Variants in C1orf159 observed in about 807,000 individuals in gnomAD.
C1orf159 encodes chromosome 1 open reading frame 159, also known as uncharacterized protein C1orf159.
A neutral mutation model predicts 25.6 loss-of-function variants in C1orf159; 19 were observed. The ratio of observed to expected loss-of-function variants is 0.74; its 90% CI spans 0.52 to 1.09. The LOEUF is 1.09. Ranked by LOEUF, C1orf159 falls within the 50% of genes least tolerant of loss-of-function variation. The pLI, the probability that C1orf159 is intolerant of heterozygous loss-of-function variation, is 0.00. For synonymous variants in C1orf159, 139 were observed against 124.7 expected, an observed-to-expected ratio of 1.12 and a Z score of -0.77; for missense variants, 274 against 290.6, an observed-to-expected ratio of 0.94 and a Z score of 0.42.
At chr1:1,083,273 G>C (rs1645773997) in intron 9 of C1orf159, 1 of 407,850 alleles carries the variant, frequency 2.5e-6, no homozygotes, top group Non-Finnish European at 4.4e-6. Flanking sequence ...ACAGAGATGT[G>C]GGTCCCAGAG....
intron 1 of C1orf159, among the ~76,000 whole-genome samples, chr1:1,103,583 G>A (rs1646132608): frequency 6.6e-6 from 1 of 151,984 alleles, no homozygotes; most frequent in African/African-American, 2.4e-5. Flanking sequence ...AGGGGTCAGG[G>A]GTCTGCCAGA....
chr1:1,084,410 A>G (rs1256640714), intron 8 of C1orf159, 27 bp from the exon 9 acceptor site: 2 of 1,579,894 alleles, frequency 1.3e-6, no homozygotes, highest in Admixed American at 3.8e-5. Context: ...AGGCAGAGTG[A>G]GGACTCGGGA....
chr1:1,091,056 G>A, intron 3 of C1orf159: 3 of 1,276,322 alleles, frequency 2.4e-6, no homozygotes, highest in Non-Finnish European at 3.3e-6. Flanking sequence ...CCGCCAGGGA[G>A]GGGCCCAGGT....
At position 1,087,900 on chromosome 1, in the gene C1orf159, C is replaced by G. The variant is rs1207239155; in HGVS notation, c.149-303G>C. Among the ~76,000 whole-genome samples the G allele has an allele frequency of 6.7e-6, 1 of 149,902 alleles. No individual in the cohort carries two copies. The highest frequency in any genetic ancestry group is 2.0e-4 in the East Asian group (1 of 5,104). On this transcript the variant is annotated intron_variant, in intron 4 of 9. Coordinates refer to ENST00000421241, the MANE Select transcript of C1orf159 (RefSeq NM_017891.5). The surrounding 1 kb of genome is among the most constrained non-coding windows in gnomAD (Gnocchi z 8.3). ...AGTACTCCACGCTGCACTCTCCACG[C>G]CGAGCACCCCAGCCCCGAGTACTCC...
intron 9 of C1orf159, 161 bp downstream of exon 9, chr1:1,084,192 C>G (rs751245237): frequency 8.5e-6 from 13 of 1,524,228 alleles, no homozygotes; most frequent in Non-Finnish European, 1.1e-5. Flanking sequence ...CCAGCCAAAT[C>G]CGGCCCTGGC....
At chr1:1,098,578 G>T (rs1646043067) in intron 1 of C1orf159, among the ~76,000 whole-genome samples, 1 of 152,216 alleles carries the variant, frequency 6.6e-6, no homozygotes, top group African/African-American at 2.4e-5. Flanking sequence ...GTTGGTCTGT[G>T]TTGGAAAATG....
At chr1:1,101,674 T>C (rs1020640124) in intron 1 of C1orf159, among the ~76,000 whole-genome samples, 2 of 152,094 alleles carry the variant, frequency 1.3e-5, no homozygotes, top group Admixed American at 6.6e-5. Flanking sequence ...TCACGGTCTA[T>C]TGGCTCATGG....
intron 1 of C1orf159, among the ~76,000 whole-genome samples, chr1:1,093,795 T>C (rs914274292): frequency 3.3e-5 from 5 of 152,190 alleles, no homozygotes; most frequent in African/African-American, 1.2e-4. Flanking sequence ...TCTGTCTTCA[T>C]TTCTCTTGGG....
intron 3 of C1orf159, chr1:1,090,724 C>A: frequency 1.3e-6 from 1 of 782,946 alleles, no homozygotes; most frequent in South Asian, 1.5e-5. Flanking sequence ...GGCAGCGCCA[C>A]CGACATTCTC....
rs556586599 is a variant in C1orf159 at position 1,102,380 on chromosome 1, T to C, written c.-135-10277A>G. ...TATTTTCCTCCAATCACTTCCACCC[T>C]TTTTTTTTTTTCCAGCTTGGATGAT... On this transcript the variant is annotated intron_variant, in intron 1 of 9. Transcript: ENST00000421241. Among the ~76,000 whole-genome samples the C allele has an allele frequency of 2.4e-3, 340 of 142,492 alleles. 1 individual carries two copies. Among genetic ancestry groups the C allele is most frequent in the African/African-American group, 8.2e-3 (313 of 38,242 alleles). The allele number at this position is 142,492 out of a possible 152,430, so 93.5% of individuals were successfully genotyped here.
At chr1:1,094,221 C>T (rs1346071000) in intron 1 of C1orf159, among the ~76,000 whole-genome samples, 2 of 151,774 alleles carry the variant, frequency 1.3e-5, no homozygotes, top group African/African-American at 4.8e-5. Context: ...CATCAGCCTC[C>T]CGAGTAGCTG....
In C1orf159 at chr1:1,090,774, G is replaced by C. The variant is rs1645917593; in HGVS notation, c.73-346C>G. On this transcript the variant is annotated intron_variant, in intron 3 of 9. Coordinates refer to ENST00000421241, the MANE Select transcript of C1orf159 (RefSeq NM_017891.5). ...GGCTCTCCATCAGGGGTTTCCGCTTGACCCCACAGAGGAAGTGCCCGGGCC... is the reference window on the plus strand; with the variant it reads ...GGCTCTCCATCAGGGGTTTCCGCTTCACCCCACAGAGGAAGTGCCCGGGCC... 4.9e-6 allele frequency: 5 copies of C among 1,010,898 alleles called. No homozygotes were observed. In the Admixed American group the frequency reaches 6.0e-5, roughly 12 times the overall value. 62.6% of individuals were successfully genotyped at this position (1,010,898 alleles called of 1,614,324 possible).
chr1:1,105,158 T>G (rs1261015331), intron 1 of C1orf159, among the ~76,000 whole-genome samples: 5 of 152,252 alleles, frequency 3.3e-5, no homozygotes, highest in African/African-American at 1.2e-4. Flanking sequence ...GGTTTTCAAC[T>G]GCAACACTCA....
At chr1:1,091,319 C>T in intron 3 of C1orf159, 153 bp downstream of exon 3, 1 of 793,386 alleles carries the variant, frequency 1.3e-6, no homozygotes, top group Non-Finnish European at 2.1e-6. Context: ...GGCACAGGCC[C>T]CTCTGACCCC....
chr1:1,084,254 C>T, intron 9 of C1orf159, 99 bp downstream of exon 9: 1 of 1,519,136 alleles, frequency 6.6e-7, no homozygotes, highest in Non-Finnish European at 8.8e-7. Context: ...GGCCGAGATC[C>T]AGAGCCAGGC....
intron 2 of C1orf159, chr1:1,091,788 T>G (rs1415436074): frequency 3.1e-5 from 1 of 31,996 alleles, no homozygotes; most frequent in African/African-American, 2.2e-4. Flanking sequence ...TGGGCGGGGC[T>G]GTGGCAGGGA....
intron 3 of C1orf159, chr1:1,091,052 G>A: frequency 1.5e-6 from 2 of 1,310,844 alleles, no homozygotes; most frequent in Non-Finnish European, 2.1e-6. Context: ...CACACCGCCA[G>A]GGAGGGGCCC....
Position 1,085,920 on chromosome 1 carries a change from G to T in C1orf159, c.403C>A (p.Arg135Ser). The change falls in exon 7 of 10, where the codon CGC becomes AGC. Residue 135 changes from arginine (R) to serine (S), a missense_variant. Coordinates refer to ENST00000421241, the MANE Select transcript of C1orf159 (RefSeq NM_017891.5). ...CAGGCCCTGGGGAGTTTACTGGAGC[G>T]CTTGAGGTAGAAGAACCCAGCTACG... ...LSVAGFFYLK[R>S]SSKLPRACYR... The T allele has an allele frequency of 1.2e-6, 2 of 1,613,324 alleles. No individual in the cohort carries two copies. The highest frequency in any genetic ancestry group is 1.7e-6 in the Non-Finnish European group (2 of 1,179,780).
At chr1:1,091,289 C>A in intron 3 of C1orf159, 183 bp downstream of exon 3, 1 of 713,666 alleles carries the variant, frequency 1.4e-6, no homozygotes, top group Non-Finnish European at 2.4e-6. Context: ...CAGCAGGCAG[C>A]GGAGGGCTCC....
Sources: gnomAD v4.1 joint callset for allele counts (sites outside exome capture counted in the v4.1 genomes callset) on GRCh38, gnomAD v4.1.1 for gene constraint, Gnocchi (gnomAD v3.1) non-coding constraint, MANE v1.5 for transcripts, NCBI Gene and HGNC (gene_info 2026-07-23, HGNC 2026-07-21) for gene names.